The following PTPRG variants were observed in gnomAD, a reference collection of about 807,000 sequenced individuals.
The protein encoded by PTPRG is receptor-type tyrosine-protein phosphatase gamma.
Under a neutral mutation model 165.3 loss-of-function variants are expected in PTPRG, and 102 were observed. The observed-to-expected ratio is 0.62, with a 90% CI of 0.53 to 0.73. The LOEUF (loss-of-function observed/expected upper bound fraction) is 0.73, where lower values mean the gene tolerates loss of function less well. Ranked by LOEUF, PTPRG falls within the 30% of genes least tolerant of loss-of-function variation. The pLI, the probability that PTPRG is intolerant of heterozygous loss-of-function variation, is 0.00. For missense variants in PTPRG, 1,866 were observed against 1,861.4 expected, an observed-to-expected ratio of 1.00 and a Z score of -0.05; for synonymous variants, 675 against 669.5, an observed-to-expected ratio of 1.01 and a Z score of -0.13.
intron 2 of PTPRG, among the ~76,000 whole-genome samples, chr3:61,875,380 T>TGA (rs10658090): frequency 0.28 from 42,869 of 151,556 alleles, 7,126 homozygotes; most frequent in African/African-American, 0.47. Context: ...CAAAACGTTT[T>TGA]GAGAGAGAGA....
intron 1 of PTPRG, among the ~76,000 whole-genome samples, chr3:61,715,329 A>T (rs1174665695): frequency 1.3e-5 from 2 of 151,496 alleles, no homozygotes; most frequent in Non-Finnish European, 2.9e-5. Flanking sequence ...CCATCCTCCC[A>T]CTTCAGCCTC....
At chr3:61,666,974 G>A (rs1002742790) in intron 1 of PTPRG, among the ~76,000 whole-genome samples, 1 of 152,178 alleles carries the variant, frequency 6.6e-6, no homozygotes, top group Non-Finnish European at 1.5e-5. Context: ...AAGAAATTAT[G>A]TAATGGTAGT....
At chr3:61,684,862 A>G (rs376407040) in intron 1 of PTPRG, among the ~76,000 whole-genome samples, 47 of 152,306 alleles carry the variant, frequency 3.1e-4, no homozygotes, top group Non-Finnish European at 5.7e-4. Context: ...TAAATGAACC[A>G]ATATGGGGTG....
intron 6 of PTPRG, among the ~76,000 whole-genome samples, chr3:62,146,632 A>T (rs1161715747): frequency 1.2e-4 from 9 of 72,982 alleles, no homozygotes; most frequent in Admixed American, 2.4e-4. Context: ...TGTTGCTTTT[A>T]AAAAAAAAAA....
chr3:61,708,761 G>A (rs2031397005), intron 1 of PTPRG, among the ~76,000 whole-genome samples: 1 of 152,044 alleles, frequency 6.6e-6, no homozygotes, highest in Non-Finnish European at 1.5e-5. Context: ...CTGGCTTTCT[G>A]CAAATCTTAA....
intron 6 of PTPRG, among the ~76,000 whole-genome samples, chr3:62,140,275 A>G (rs965376754): frequency 2.6e-5 from 4 of 152,182 alleles, no homozygotes; most frequent in African/African-American, 9.7e-5. Flanking sequence ...TACCACACTT[A>G]AGTATATCCC....
chr3:61,624,546 G>T (rs1701554457), intron 1 of PTPRG, among the ~76,000 whole-genome samples: 1 of 152,212 alleles, frequency 6.6e-6, no homozygotes, highest in South Asian at 2.1e-4. Flanking sequence ...GCATCGCAAA[G>T]ACATGGCTAT....
chr3:61,965,316 C>T (rs964501517), intron 2 of PTPRG, among the ~76,000 whole-genome samples: 16 of 151,272 alleles, frequency 1.1e-4, no homozygotes, highest in East Asian at 1.9e-4. Context: ...GGTGAAACCC[C>T]GTCTCTACTA....
intron 2 of PTPRG, among the ~76,000 whole-genome samples, chr3:61,952,178 A>G (rs1300437814): frequency 1.3e-5 from 2 of 150,454 alleles, no homozygotes; most frequent in African/African-American, 4.9e-5. Flanking sequence ...CAGACCTCAT[A>G]TGTGGAGGCA....
At chr3:61,788,266 A>G (rs1156574219) in intron 2 of PTPRG, among the ~76,000 whole-genome samples, 2 of 152,202 alleles carry the variant, frequency 1.3e-5, no homozygotes, top group African/African-American at 4.8e-5. Flanking sequence ...TTAGATGTAT[A>G]ATAAATATGT....
At chr3:62,191,308 C>G (rs1231036118) in intron 8 of PTPRG, among the ~76,000 whole-genome samples, 161 bp from the exon 9 acceptor site, 1 of 151,956 alleles carries the variant, frequency 6.6e-6, no homozygotes, top group Non-Finnish European at 1.5e-5. Flanking sequence ...AATGTTCTCC[C>G]TCTCTCTCTA....
intron 2 of PTPRG, among the ~76,000 whole-genome samples, chr3:61,906,129 G>T (rs1001599300): frequency 4.0e-5 from 6 of 151,738 alleles, no homozygotes; most frequent in Non-Finnish European, 8.8e-5. Flanking sequence ...CATATTTGAA[G>T]AAAACATTTT....
In PTPRG at chr3:61,681,638, G is replaced by T. The variant is rs537386926; in HGVS notation, c.86-67240G>T. Among the ~76,000 whole-genome samples the T allele has an allele frequency of 2.0e-5, 3 of 152,254 alleles. No homozygotes were observed. The East Asian group carries it at 5.8e-4, about 29-fold the overall frequency. ...TCTTCTATGAAATGTGGATTATAAGGACTCATGCCCCATGGAATTTCTATA... is the reference window on the plus strand; with the variant it reads ...TCTTCTATGAAATGTGGATTATAAGTACTCATGCCCCATGGAATTTCTATA... On this transcript the variant is annotated intron_variant, in intron 1 of 29. Coordinates refer to ENST00000474889, the MANE Select transcript of PTPRG (RefSeq NM_002841.4).
chr3:61,757,318 T>C (rs567936010), intron 2 of PTPRG, among the ~76,000 whole-genome samples: 1 of 152,292 alleles, frequency 6.6e-6, no homozygotes, highest in South Asian at 2.1e-4. Flanking sequence ...TTCAATTTCT[T>C]CTACCAGTAG....
chr3:61,982,169 T>A (rs1173215746), intron 2 of PTPRG, among the ~76,000 whole-genome samples: 1 of 152,168 alleles, frequency 6.6e-6, no homozygotes. Context: ...AACTTTAAGG[T>A]TGAAAACTTC....
At position 61,666,432 on chromosome 3, in the gene PTPRG, A is replaced by G. The variant is rs1702815411; in HGVS notation, c.86-82446A>G. Among the ~76,000 whole-genome samples the G allele has an allele frequency of 1.3e-5, 2 of 152,226 alleles. 1 individual carries two copies. The highest frequency in any genetic ancestry group is 4.1e-4 in the South Asian group (2 of 4,824). Reference sequence around the variant, plus strand: ...GGAAGGGTGTGTGGCAAATCTGACAAGCTTGTGTTCAGTTCTCTGCTGTTA... The same window carrying G: ...GGAAGGGTGTGTGGCAAATCTGACAGGCTTGTGTTCAGTTCTCTGCTGTTA... On this transcript the variant is annotated intron_variant, in intron 1 of 29. Coordinates refer to ENST00000474889, the MANE Select transcript of PTPRG (RefSeq NM_002841.4).
At chr3:61,621,051 A>ATATGTGTGTGTGTGTGTGTGTGTG in intron 1 of PTPRG, among the ~76,000 whole-genome samples, 1 of 117,948 alleles carries the variant, frequency 8.5e-6, no homozygotes, top group Non-Finnish European at 1.8e-5. Context: ...ATATATATAT[A>ATATGTGTGTGTGTGTGTGTGTGTG]TGTGTGTGTG....
Position 62,203,161 on chromosome 3 carries a change from G to T in PTPRG, c.1378-12G>T. On this transcript the variant is annotated splice_polypyrimidine_tract_variant and intron_variant, in intron 11 of 29. Transcript: ENST00000474889. This position sits in a 1 kb window ranked among gnomAD's most constrained non-coding sequence, Gnocchi z 6.4. The stretch of plus-strand genomic sequence containing the variant: ...TGCCTCTTTTCCACCCTTGCCGGGT[G>T]ACCCTTTCCAGCCCACAGCGTCTCC... 6.4e-7 allele frequency: 1 copy of T among 1,560,084 alleles called. No individual in the cohort carries two copies. Among genetic ancestry groups the T allele is most frequent in the South Asian group, 1.2e-5 (1 of 84,334 alleles).
At chr3:62,184,223 G>C (rs1417790025) in intron 8 of PTPRG, among the ~76,000 whole-genome samples, 1 of 152,214 alleles carries the variant, frequency 6.6e-6, no homozygotes, top group Non-Finnish European at 1.5e-5. Context: ...GGCAGCCGCA[G>C]CTCCAGCTAG....
Sources: allele counts gnomAD v4.1 joint callset (sites outside exome capture counted in the v4.1 genomes callset), GRCh38; gene constraint gnomAD v4.1.1; non-coding constraint Gnocchi (gnomAD v3.1); transcripts MANE v1.5; gene names NCBI Gene and HGNC (gene_info 2026-07-23, HGNC 2026-07-21).